ANKRD36C: variants seen among roughly 807,000 people sequenced by gnomAD.
The protein encoded by ANKRD36C is ankyrin repeat domain-containing protein 36C.
Under a neutral mutation model 276.4 loss-of-function variants are expected in ANKRD36C, and 61 were observed. The ratio of observed to expected loss-of-function variants is 0.22; its 90% CI spans 0.18 to 0.27. ANKRD36C has a LOEUF of 0.27. Ranked by LOEUF, ANKRD36C falls within the 10% of genes least tolerant of loss-of-function variation. The pLI, the probability that ANKRD36C is intolerant of heterozygous loss-of-function variation, is 1.00. For synonymous variants in ANKRD36C, 483 were observed against 680.1 expected (o/e 0.71, Z 4.51); for missense variants, 1,447 against 2,032.3 (o/e 0.71, Z 5.54).
intron 1 of ANKRD36C, among the ~76,000 whole-genome samples, chr2:95,990,804 C>T (rs1177820623): frequency 2.0e-5 from 3 of 152,082 alleles, no homozygotes; most frequent in Non-Finnish European, 4.4e-5. Flanking sequence ...AATTTTTAGT[C>T]AGGAAGTTGA....
intron 3 of ANKRD36C, among the ~76,000 whole-genome samples, chr2:95,985,870 A>G (rs952881162): frequency 3.3e-5 from 5 of 152,072 alleles, no homozygotes; most frequent in Non-Finnish European, 5.9e-5. Flanking sequence ...TAAGCTCCGT[A>G]TCTCCCACCT....
chr2:95,915,567 A>G (rs1384433929), intron 38 of ANKRD36C, among the ~76,000 whole-genome samples: 1 of 151,500 alleles, frequency 6.6e-6, no homozygotes, highest in Non-Finnish European at 1.5e-5. Context: ...GGGTCTCCTC[A>G]GTTCTCCTTC....
intron 5 of ANKRD36C, 111 bp from the exon 6 acceptor site, chr2:95,978,300 T>C (rs1383390028): frequency 2.1e-5 from 8 of 377,012 alleles, no homozygotes; most frequent in Admixed American, 4.6e-5. Context: ...TTAATTATCC[T>C]ATACACTTCT....
At chr2:95,962,888 T>C (rs1274024547) in intron 6 of ANKRD36C, among the ~76,000 whole-genome samples, 2 of 152,010 alleles carry the variant, frequency 1.3e-5, no homozygotes, top group African/African-American at 4.8e-5. Context: ...TGCGAATCAA[T>C]GTCAAAGCAG....
intron 52 of ANKRD36C, among the ~76,000 whole-genome samples, chr2:95,885,374 T>C (rs1676175784): frequency 6.6e-6 from 1 of 151,914 alleles, no homozygotes; most frequent in Non-Finnish European, 1.5e-5. Flanking sequence ...CTCTGATGCC[T>C]AACAGTAACA....
intron 59 of ANKRD36C, among the ~76,000 whole-genome samples, chr2:95,868,437 C>T (rs1055340747): frequency 6.6e-6 from 1 of 152,094 alleles, no homozygotes; most frequent in Non-Finnish European, 1.5e-5. Flanking sequence ...TGCCTCACAA[C>T]CTATTTGTCT....
At chr2:95,888,528 C>A (rs1431260338) in intron 48 of ANKRD36C, among the ~76,000 whole-genome samples, 1 of 151,686 alleles carries the variant, frequency 6.6e-6, no homozygotes, top group Non-Finnish European at 1.5e-5. Context: ...CATTATAGTA[C>A]AAACATTCAT....
chr2:95,989,046 G>A (rs1477438995), intron 1 of ANKRD36C, among the ~76,000 whole-genome samples: 1 of 152,166 alleles, frequency 6.6e-6, no homozygotes, highest in East Asian at 1.9e-4. Context: ...GCACACATCT[G>A]TAATCCCAGC....
intron 59 of ANKRD36C, 29 bp from the exon 80 acceptor site, chr2:95,867,610 T>C (rs1675709569): frequency 7.6e-7 from 1 of 1,317,032 alleles, no homozygotes; most frequent in Non-Finnish European, 1.0e-6. Flanking sequence ...TGTTTCAAAA[T>C]GTCCCCAAAA....
chr2:95,863,956 A>G (rs1204377367), intron 60 of ANKRD36C, among the ~76,000 whole-genome samples: 6 of 152,076 alleles, frequency 3.9e-5, no homozygotes, highest in Non-Finnish European at 8.8e-5. Flanking sequence ...GTGAACCCCA[A>G]TGCAAATTAT....
intron 38 of ANKRD36C, 81 bp downstream of exon 40, chr2:95,915,899 C>G (rs1423281346): frequency 1.3e-6 from 2 of 1,487,022 alleles, no homozygotes; most frequent in Non-Finnish European, 1.8e-6. Flanking sequence ...GCAGCTTCGA[C>G]CAGCCCCCCA....
At chr2:95,943,250 G>A (rs1338940355) in intron 19 of ANKRD36C, among the ~76,000 whole-genome samples, 6 of 152,300 alleles carry the variant, frequency 3.9e-5, no homozygotes, top group East Asian at 3.8e-4. Flanking sequence ...TTGGGAGGCC[G>A]AGGCGGGCAG....
intron 13 of ANKRD36C, among the ~76,000 whole-genome samples, chr2:95,955,083 G>A (rs553596749): frequency 7.9e-5 from 12 of 152,394 alleles, no homozygotes; most frequent in East Asian, 3.9e-4. Context: ...CTGGTTTGCC[G>A]GCCAATCCTA....
At chr2:95,852,257 G>C (rs1222859638) in intron 64 of ANKRD36C, 61 bp from the exon 85 acceptor site, 2 of 1,083,760 alleles carry the variant, frequency 1.8e-6, no homozygotes, top group Non-Finnish European at 2.7e-6. Flanking sequence ...ATCAGTAGAT[G>C]AATGAATCAA....
exon 34 of ANKRD36C, chr2:95,921,628 C>G: frequency 6.2e-7 from 1 of 1,608,946 alleles, no homozygotes; most frequent in Non-Finnish European, 8.5e-7. Flanking sequence ...TTTTCTCCAT[C>G]CTTTATTTCT....
chr2:95,979,397 C>A (rs888397048), intron 5 of ANKRD36C, among the ~76,000 whole-genome samples: 2 of 152,032 alleles, frequency 1.3e-5, no homozygotes, highest in African/African-American at 4.8e-5. Flanking sequence ...GCTGATAAGT[C>A]ATGGATGAGG....
intron 58 of ANKRD36C, among the ~76,000 whole-genome samples, chr2:95,878,178 T>C (rs1410231838): frequency 6.8e-6 from 1 of 147,670 alleles, no homozygotes; most frequent in Admixed American, 6.7e-5. Flanking sequence ...AGCAAGACTC[T>C]GTCTCAAAAA....
At chr2:95,944,517 A>G in intron 19 of ANKRD36C, 110 bp downstream of exon 19, 2 of 1,157,496 alleles carry the variant, frequency 1.7e-6, no homozygotes, top group Non-Finnish European at 2.4e-6. Context: ...TTTCCAAATA[A>G]AACAATTTAC....
chr2:95,904,210 AAATGCATCTG>A (rs1390574490), intron 42 of ANKRD36C, among the ~76,000 whole-genome samples: 6 of 96,754 alleles, frequency 6.2e-5, no homozygotes. Flanking sequence ...AAAATATTCC[AAATGCATCTG>A]AAGTGAGTTC....
Sources: allele counts gnomAD v4.1 joint callset (sites outside exome capture counted in the v4.1 genomes callset), GRCh38; gene constraint gnomAD v4.1.1; transcripts MANE v1.5; gene names NCBI Gene and HGNC (gene_info 2026-07-23, HGNC 2026-07-21).